PIK3R2: variants seen among roughly 807,000 people sequenced by gnomAD.
PIK3R2 encodes phosphoinositide-3-kinase regulatory subunit 2.
Under a neutral mutation model 78.5 loss-of-function variants are expected in PIK3R2, and 40 were observed. The ratio of observed to expected loss-of-function variants is 0.51; its 90% CI spans 0.40 to 0.66. The LOEUF (loss-of-function observed/expected upper bound fraction) is 0.66. PIK3R2 is among the 30% of genes least tolerant of loss of function. The probability of loss-of-function intolerance (pLI) is 0.00; values close to 1 mark genes in which losing one functional copy is unlikely to be tolerated. For missense variants in PIK3R2, 880 were observed against 1,026.6 expected (o/e 0.86, Z 1.95); for synonymous variants, 473 against 457.7 (o/e 1.03, Z -0.43).
Position 18,155,987 on chromosome 19 carries a change from G to A in PIK3R2, c.108G>A (p.Ala36=), listed in dbSNP as rs761735561. 4.0e-5 allele frequency: 62 copies of A among 1,560,444 alleles called. No individual in the cohort carries two copies. Among genetic ancestry groups the A allele is most frequent in the African/African-American group, 9.5e-5 (7 of 73,500 alleles). The part of the protein sequence containing the change: ...LPGDVLVVSR[A]ALQALGVAEG... Reference sequence around the variant, plus strand: ...GCGACGTGCTGGTAGTGAGCCGGGCGGCCTTGCAGGCGCTGGGCGTGGCCG... The same window carrying A: ...GCGACGTGCTGGTAGTGAGCCGGGCAGCCTTGCAGGCGCTGGGCGTGGCCG... Residue 36 remains alanine (A), a synonymous_variant, in exon 2 of 16, where the codon GCG becomes GCA. Coordinates refer to ENST00000222254, the MANE Select transcript of PIK3R2 (RefSeq NM_005027.4).
In PIK3R2 at chr19:18,156,173, C is replaced by T. The variant is rs545913434; in HGVS notation, c.294C>T (p.Ala98=). The T allele has an allele frequency of 2.2e-5, 32 of 1,455,358 alleles. No individual in the cohort carries two copies. The highest frequency in any genetic ancestry group is 2.6e-5 in the Non-Finnish European group (29 of 1,109,340). 90.2% of individuals were successfully genotyped at this position (1,455,358 alleles called of 1,614,324 possible). The change falls in exon 2 of 16, where the codon GCC becomes GCT. Residue 98 remains alanine (A), a synonymous_variant. Coordinates refer to ENST00000222254, the MANE Select transcript of PIK3R2 (RefSeq NM_005027.4). This position sits in a 1 kb window ranked among gnomAD's most constrained non-coding sequence, Gnocchi z 4.2. ...PRPRGPRPLP[A]RPRDGAPEPG... is the part of the protein sequence containing the mutation. ...CACGGGGCCCCCGCCCACTGCCCGC[C>T]AGGCCCCGTGATGGGGCCCCTGAGC...
chr19:18,162,906 A>G (rs1159869632), intron 9 of PIK3R2, 61 bp from the exon 10 acceptor site: 2 of 1,471,894 alleles, frequency 1.4e-6, no homozygotes, highest in South Asian at 1.2e-5. Flanking sequence ...AAAAAAGGGG[A>G]CAGGGATTGA....
At position 18,169,403 on chromosome 19, in the gene PIK3R2, T is replaced by G. The variant is rs1370605746; in HGVS notation, c.*109T>G. ...AGCCACATCCAGGGGTCCTCATTTC[T>G]CCGGCTCTGGCTCTTGTTTGGGGTT... is the stretch of plus-strand genomic sequence containing the variant. On this transcript the variant is annotated 3_prime_UTR_variant, in exon 16 of 16. Coordinates refer to ENST00000222254, the MANE Select transcript of PIK3R2 (RefSeq NM_005027.4). 1 of 481,608 alleles carries G rather than the reference T, an allele frequency of 2.1e-6. No homozygotes were observed. 29.8% of individuals were successfully genotyped at this position (481,608 alleles called of 1,614,324 possible). A position where few individuals can be genotyped will look rare whatever the true frequency, so the allele number is the denominator to read the frequency against.
In PIK3R2 at chr19:18,160,579, G is replaced by GC; in HGVS notation, c.415+17dup. 6.3e-7 allele frequency: 1 copy of GC among 1,589,590 alleles called. No homozygotes were observed. Among genetic ancestry groups the GC allele is most frequent in the Non-Finnish European group, 8.6e-7 (1 of 1,159,526 alleles). On this transcript the variant is annotated intron_variant, in intron 3 of 15. Coordinates refer to ENST00000222254, the MANE Select transcript of PIK3R2 (RefSeq NM_005027.4). ...GAAAGGACAGGTAAGTTCCAGCCTGGCTGCAGCCCCTGGATTCTGCTTGCT... is the reference window on the plus strand; with the variant it reads ...GAAAGGACAGGTAAGTTCCAGCCTGGCCTGCAGCCCCTGGATTCTGCTTGCT...
intron 7 of PIK3R2, 28 bp from the exon 8 acceptor site, chr19:18,162,174 A>G (rs747488905): frequency 1.4e-5 from 20 of 1,417,030 alleles, no homozygotes; most frequent in Non-Finnish European, 1.9e-5. Context: ...GTCGGTGCTC[A>G]GGATGCATTT....
rs1270800284 is a variant in PIK3R2 at position 18,169,487 on chromosome 19, T to C, written c.*193T>C. Reference sequence around the variant, plus strand: ...ATTCTCCAGATCTCCCTCTGTCTCCTTTTCTCTGTCTTTCTTGGCCCCTGT... The same window carrying C: ...ATTCTCCAGATCTCCCTCTGTCTCCCTTTCTCTGTCTTTCTTGGCCCCTGT... On this transcript the variant is annotated 3_prime_UTR_variant, in exon 16 of 16. Transcript: ENST00000222254. The C allele has an allele frequency of 5.7e-6, 2 of 352,406 alleles. No individual in the cohort carries two copies. The highest frequency in any genetic ancestry group is 2.2e-5 in the African/African-American group (1 of 46,152). 21.8% of individuals were successfully genotyped at this position (352,406 alleles called of 1,614,324 possible). A position where few individuals can be genotyped will look rare whatever the true frequency, so the allele number is the denominator to read the frequency against.
rs1286243449 is a variant in PIK3R2 at position 18,163,333 on chromosome 19, A to G, written c.1361A>G (p.Gln454Arg). 3.7e-6 allele frequency: 6 copies of G among 1,614,008 alleles called. No individual in the cohort carries two copies. Among genetic ancestry groups the G allele is most frequent in the Non-Finnish European group, 5.1e-6 (6 of 1,180,004 alleles). Residue 454 changes from glutamine to arginine, a missense_variant, in exon 11 of 16, where the codon CAG (glutamine) becomes CGG (arginine). Gln to Arg is a conservative substitution (Grantham distance 43). Around this residue, in one of 3 missense-constraint regions of PIK3R2, gnomAD observed 156 missense variants for 241.0 expected, o/e 0.65. Coordinates refer to ENST00000222254, the MANE Select transcript of PIK3R2 (RefSeq NM_005027.4). The part of the protein sequence containing the change: ...AQLKVYHQQY[Q>R]DKSREYDQLY... The stretch of plus-strand genomic sequence containing the variant: ...CTTAAGGTCTATCACCAGCAGTACC[A>G]GGACAAGAGCCGCGAGTATGACCAG...
In PIK3R2 at chr19:18,166,375, CAGA is replaced by C. The variant is rs1267431446; in HGVS notation, c.1559+76_1559+78del. ...AGTACAAGCCAGGGAGGGAAGGAAG[CAGA>C]AGGAGGCCAGCCACTTGGAGGCAAA... On this transcript the variant is annotated intron_variant, in intron 12 of 15. Transcript: ENST00000222254. 3 of 1,327,108 alleles carry C rather than the reference CAGA, an allele frequency of 2.3e-6. No individual in the cohort carries two copies. The South Asian group carries it at 3.8e-5, about 17-fold the overall frequency. 82.2% of individuals were successfully genotyped at this position (1,327,108 alleles called of 1,614,324 possible). A position where few individuals can be genotyped will look rare whatever the true frequency, so the allele number is the denominator to read the frequency against.
intron 11 of PIK3R2, 110 bp downstream of exon 11, chr19:18,163,498 G>A: frequency 8.2e-7 from 1 of 1,215,696 alleles, no homozygotes; most frequent in East Asian, 2.4e-5. Flanking sequence ...CCAGTTGCAG[G>A]TCACAGAGCA....
intron 12 of PIK3R2, 98 bp downstream of exon 12, chr19:18,166,400 CAAA>C: frequency 1.0e-6 from 1 of 968,218 alleles, no homozygotes; most frequent in Non-Finnish European, 1.6e-6. Context: ...CACTTGGAGG[CAAA>C]GAGTAGTCTG....
intron 2 of PIK3R2, among the ~76,000 whole-genome samples, chr19:18,158,553 G>A (rs1292996962): frequency 1.3e-5 from 2 of 150,898 alleles, no homozygotes; most frequent in Non-Finnish European, 2.9e-5. Flanking sequence ...GATCGTTAGG[G>A]GCCAGGAGTT....
At chr19:18,160,799 T>G in intron 3 of PIK3R2, 120 bp from the exon 4 acceptor site, 1 of 725,538 alleles carries the variant, frequency 1.4e-6, no homozygotes, top group Non-Finnish European at 2.2e-6. Flanking sequence ...TCCCCACCCC[T>G]CCCATGCCCT....
chr19:18,163,769 T>C (rs1027079817), intron 11 of PIK3R2, among the ~76,000 whole-genome samples: 4 of 151,366 alleles, frequency 2.6e-5, no homozygotes, highest in African/African-American at 9.7e-5. Flanking sequence ...CTGCATTGAA[T>C]TGTGATCATG....
intron 1 of PIK3R2, among the ~76,000 whole-genome samples, chr19:18,154,187 C>T (rs1308420526): frequency 1.3e-5 from 2 of 152,276 alleles, no homozygotes; most frequent in South Asian, 2.1e-4. Flanking sequence ...GTCCATCCCC[C>T]GACCCTAGCC....
intron 2 of PIK3R2, among the ~76,000 whole-genome samples, chr19:18,159,633 T>TG (rs2043719961): frequency 6.6e-6 from 1 of 150,902 alleles, no homozygotes; most frequent in African/African-American, 2.4e-5. Flanking sequence ...TTAGTAGAGA[T>TG]GGGGTTTCAC....
chr19:18,160,646 A>C, intron 3 of PIK3R2, 83 bp downstream of exon 3: 3 of 1,124,150 alleles, frequency 2.7e-6, no homozygotes, highest in Non-Finnish European at 4.0e-6. Context: ...CAGGGCCTCC[A>C]AGCTCATGCT....
At chr19:18,164,779 G>A (rs1176844747) in intron 11 of PIK3R2, among the ~76,000 whole-genome samples, 2 of 150,758 alleles carry the variant, frequency 1.3e-5, no homozygotes, top group African/African-American at 2.4e-5. Context: ...GGGACTACAG[G>A]CACGTGCCAC....
Position 18,161,547 on chromosome 19 carries a change from C to T in PIK3R2, c.815+52C>T. The T allele has an allele frequency of 7.2e-6, 1 of 138,006 alleles. No individual in the cohort carries two copies. Among genetic ancestry groups the T allele is most frequent in the Non-Finnish European group, 1.3e-5 (1 of 77,710 alleles). The allele number at this position is 138,006 out of a possible 1,614,324, so 8.5% of individuals were successfully genotyped here. ...AGCAGGGGTGGAGTTTGGGGTGGGG[C>T]GGGCGGGGCATGGCCAGAGTGAGCG... On this transcript the variant is annotated intron_variant, in intron 6 of 15. Coordinates refer to ENST00000222254, the MANE Select transcript of PIK3R2 (RefSeq NM_005027.4). This position sits in a 1 kb window ranked among gnomAD's most constrained non-coding sequence, Gnocchi z 5.3.
rs1967139855 is a variant in PIK3R2 at position 18,169,792 on chromosome 19, G to GGGGCC, written c.*503_*507dup. 1 of 204,520 alleles carries GGGGCC rather than the reference G, an allele frequency of 4.9e-6. No homozygotes were observed. The highest frequency in any genetic ancestry group is 1.0e-5 in the Non-Finnish European group (1 of 99,506). 12.7% of individuals were successfully genotyped at this position (204,520 alleles called of 1,614,324 possible). On this transcript the variant is annotated 3_prime_UTR_variant, in exon 16 of 16. Transcript: ENST00000222254. The stretch of plus-strand genomic sequence containing the variant: ...TCCGAGAACCTCGGCCGTGACATTC[G>GGGGCC]GGGCCGGGCGGGACCCGCCCCACAG...
Sources: allele counts gnomAD v4.1 joint callset (sites outside exome capture counted in the v4.1 genomes callset), GRCh38; gene constraint gnomAD v4.1.1; regional missense constraint gnomAD v4.1.1; non-coding constraint Gnocchi (gnomAD v3.1); transcripts MANE v1.5; gene names NCBI Gene and HGNC (gene_info 2026-07-23, HGNC 2026-07-21).